Variants in FER1L6 observed in about 807,000 individuals in gnomAD.
The protein encoded by FER1L6 is fer-1-like protein 6.
In FER1L6, 177 loss-of-function variants were observed where a neutral mutation model predicts 219.2. That is an observed-to-expected ratio of 0.81 (90% confidence interval 0.71 to 0.91). FER1L6 has a LOEUF of 0.91. FER1L6 is among the 40% of genes least tolerant of loss of function. The probability of loss-of-function intolerance (pLI) is 0.00; values close to 1 mark genes in which losing one functional copy is unlikely to be tolerated. For missense variants in FER1L6, 2,153 were observed against 2,259.9 expected (o/e 0.95, Z 0.96); for synonymous variants, 768 against 824.3 (o/e 0.93, Z 1.17).
intron 39 of FER1L6, among the ~76,000 whole-genome samples, chr8:124,113,899 T>C (rs1823121767): frequency 6.6e-6 from 1 of 152,234 alleles, no homozygotes; most frequent in Admixed American, 6.5e-5. Context: ...TGATGCTGTG[T>C]TTGCTCACTT....
chr8:124,076,897 A>C (rs1015313799), intron 32 of FER1L6, among the ~76,000 whole-genome samples: 7 of 152,220 alleles, frequency 4.6e-5, no homozygotes, highest in African/African-American at 1.7e-4. Flanking sequence ...AAAGAGTTGA[A>C]CTTTGTCCTC....
At chr8:124,095,770 T>G (rs1822257875) in intron 35 of FER1L6, among the ~76,000 whole-genome samples, 1 of 152,160 alleles carries the variant, frequency 6.6e-6, no homozygotes, top group South Asian at 2.1e-4. Flanking sequence ...AACAACGGAG[T>G]GACACCTTCC....
intron 28 of FER1L6, among the ~76,000 whole-genome samples, 176 bp from the exon 29 acceptor site, chr8:124,069,184 C>T (rs1032799777): frequency 1.3e-5 from 2 of 152,166 alleles, no homozygotes; most frequent in Non-Finnish European, 2.9e-5. Context: ...GATCTGCCTG[C>T]CTCAGCCTCC....
chr8:123,951,338 C>A (rs979666189), intron 1 of FER1L6, among the ~76,000 whole-genome samples: 23 of 152,242 alleles, frequency 1.5e-4, no homozygotes, highest in African/African-American at 5.5e-4. Context: ...GGCATCATTG[C>A]CTTAATGAAA....
intron 1 of FER1L6, among the ~76,000 whole-genome samples, chr8:123,883,569 A>G (rs7843017): frequency 0.77 from 116,929 of 152,108 alleles, 45,181 homozygotes; most frequent in South Asian, 0.86. Context: ...GTCTGTTCAG[A>G]ACCTTTTATG....
At chr8:124,093,020 C>T (rs1158449241) in intron 34 of FER1L6, among the ~76,000 whole-genome samples, 1 of 152,016 alleles carries the variant, frequency 6.6e-6, no homozygotes, top group Non-Finnish European at 1.5e-5. Flanking sequence ...GTCGGGGTTT[C>T]ACCATGTTGG....
chr8:123,940,023 C>A (rs1245802042), intron 1 of FER1L6, among the ~76,000 whole-genome samples: 1 of 152,140 alleles, frequency 6.6e-6, no homozygotes, highest in African/African-American at 2.4e-5. Context: ...TGCTCTTGAC[C>A]CAAAGGCAGT....
intron 1 of FER1L6, among the ~76,000 whole-genome samples, chr8:123,951,262 G>A (rs975678596): frequency 2.0e-5 from 3 of 152,130 alleles, no homozygotes; most frequent in Non-Finnish European, 4.4e-5. Context: ...GATGGGATCT[G>A]GTCAAGTGTG....
chr8:123,926,008 T>C (rs544646536), intron 1 of FER1L6: 1 of 152,328 alleles, frequency 6.6e-6, no homozygotes, highest in Non-Finnish European at 1.5e-5. Flanking sequence ...TCACTTCTTA[T>C]TGGGAGATGA....
chr8:123,906,689 A>G (rs1220008861), intron 1 of FER1L6, among the ~76,000 whole-genome samples: 4 of 151,730 alleles, frequency 2.6e-5, no homozygotes, highest in African/African-American at 9.7e-5. Context: ...AGCCCCAGCT[A>G]CTCAAGAGGC....
At chr8:123,906,162 T>A (rs913854788) in intron 1 of FER1L6, among the ~76,000 whole-genome samples, 1 of 152,202 alleles carries the variant, frequency 6.6e-6, no homozygotes, top group Non-Finnish European at 1.5e-5. Flanking sequence ...ACTGTAGGAA[T>A]GAATTCTCTG....
At chr8:123,913,941 T>C (rs919623462) in intron 1 of FER1L6, among the ~76,000 whole-genome samples, 1 of 152,214 alleles carries the variant, frequency 6.6e-6, no homozygotes, top group African/African-American at 2.4e-5. Flanking sequence ...GAGAAAGGTC[T>C]GGATACATCT....
Position 124,102,429 on chromosome 8 carries a change from C to G in FER1L6, c.5126-717C>G, listed in dbSNP as rs190447784. On this transcript the variant is annotated intron_variant, in intron 38 of 40. Transcript: ENST00000522917. ...TATATGTATAGGAGAAAGGGATAGT[C>G]ATAGAGAGAGGGCTAAGCACCAATA... is the stretch of plus-strand genomic sequence containing the variant. Among the ~76,000 whole-genome samples the G allele has an allele frequency of 1.3e-3, 192 of 152,238 alleles. 5 individuals carry two copies. Among genetic ancestry groups the G allele is most frequent in the Non-Finnish European group, 7.5e-4 (51 of 68,004 alleles).
At chr8:123,855,365 G>A (rs1816614433) in intron 1 of FER1L6, among the ~76,000 whole-genome samples, 1 of 152,134 alleles carries the variant, frequency 6.6e-6, no homozygotes, top group South Asian at 2.1e-4. Context: ...ATTTTTTGCT[G>A]TGTCCTCTGC....
In FER1L6 at chr8:123,859,799, G is replaced by A. The variant is rs1402406404; in HGVS notation, c.-8+7614G>A. Among the ~76,000 whole-genome samples the A allele has an allele frequency of 4.3e-4, 60 of 137,992 alleles. 1 individual carries two copies. Among genetic ancestry groups the A allele is most frequent in the African/African-American group, 1.4e-3 (52 of 36,414 alleles). 90.5% of individuals were successfully genotyped at this position (137,992 alleles called of 152,430 possible). A position where few individuals can be genotyped will look rare whatever the true frequency, so the allele number is the denominator to read the frequency against. The stretch of plus-strand genomic sequence containing the variant: ...TTCCCACCTATGAGTGAGAATATGC[G>A]GTGTTTGGTTTTTTGTTCTTGCGAT... On this transcript the variant is annotated intron_variant, in intron 1 of 40. Transcript: ENST00000522917.
intron 19 of FER1L6, 63 bp downstream of exon 19, chr8:124,035,517 T>C (rs1819161197): frequency 6.6e-7 from 1 of 1,513,648 alleles, no homozygotes; most frequent in Non-Finnish European, 8.9e-7. Flanking sequence ...GAAAAGATAA[T>C]AAGGAGGGCA....
intron 12 of FER1L6, among the ~76,000 whole-genome samples, chr8:124,001,626 T>G (rs1817414249): frequency 6.6e-6 from 1 of 152,200 alleles, no homozygotes; most frequent in Non-Finnish European, 1.5e-5. Context: ...TATTTTAGTA[T>G]TATTCCTAAG....
At chr8:123,947,007 A>G (rs572384318) in intron 1 of FER1L6, among the ~76,000 whole-genome samples, 1 of 152,194 alleles carries the variant, frequency 6.6e-6, no homozygotes, top group African/African-American at 2.4e-5. Context: ...AACCAATAAA[A>G]GGTATTTAGG....
chr8:123,961,073 C>A (rs1216530717), intron 2 of FER1L6, among the ~76,000 whole-genome samples: 1 of 151,938 alleles, frequency 6.6e-6, no homozygotes, highest in Admixed American at 6.6e-5. Context: ...CATAGTGAGA[C>A]CCCTTTGTCT....
Sources: gnomAD v4.1 joint callset for allele counts (sites outside exome capture counted in the v4.1 genomes callset) on GRCh38, gnomAD v4.1.1 for gene constraint, MANE v1.5 for transcripts, NCBI Gene and HGNC (gene_info 2026-07-23, HGNC 2026-07-21) for gene names.